CACNA1A: variants seen among roughly 807,000 people sequenced by gnomAD.
The protein encoded by CACNA1A is voltage-dependent P/Q-type calcium channel subunit alpha-1A.
A neutral mutation model predicts 262.4 loss-of-function variants in CACNA1A; 57 were observed. That is an observed-to-expected ratio of 0.22 (90% CI 0.18 to 0.27). CACNA1A has a LOEUF of 0.27. CACNA1A is among the 10% of genes least tolerant of loss of function. CACNA1A has a pLI of 1.00. For synonymous variants in CACNA1A, 1,431 were observed against 1,419.3 expected, an observed-to-expected ratio of 1.01 and a Z score of -0.18; for missense variants, 2,526 against 3,562.8, an observed-to-expected ratio of 0.71 and a Z score of 7.41.
Position 13,207,737 on chromosome 19 carries a change from C to G in CACNA1A, c.7097G>C (p.Arg2366Thr), listed in dbSNP as rs1345856237. The change falls in exon 47 of 47, where the codon AGG becomes ACG. Residue 2366 changes from arginine to threonine, a missense_variant. Arg to Thr is a moderately conservative substitution (Grantham distance 71). Around this residue, in one of 17 missense-constraint regions of CACNA1A, gnomAD observed 929 missense variants for 868.1 expected, o/e 1.07. Transcript: ENST00000360228. This position sits in a 1 kb window ranked among gnomAD's most constrained non-coding sequence, Gnocchi z 5.7. ...TGGHSSGRSP[R>T]MERRVPGPAR... is the part of the protein sequence containing the mutation. ...CGGGCCTGGGACCCGCCTCTCCATC[C>G]TGGGCGAGCGGCCGCTGCTGTGGCC... The G allele has an allele frequency of 3.6e-6, 5 of 1,372,140 alleles. No homozygotes were observed. Among genetic ancestry groups the G allele is most frequent in the Middle Eastern group, 2.7e-4 (1 of 3,752 alleles). The allele number at this position is 1,372,140 out of a possible 1,614,324, so 85.0% of individuals were successfully genotyped here. A position where few individuals can be genotyped will look rare whatever the true frequency, so the allele number is the denominator to read the frequency against.
chr19:13,314,760 A>G (rs111457032), intron 11 of CACNA1A, among the ~76,000 whole-genome samples: 246 of 152,346 alleles, frequency 1.6e-3, no homozygotes, highest in Non-Finnish European at 2.9e-3. Flanking sequence ...CATGCTTTTA[A>G]GAGGTGTTTT....
At chr19:13,296,162 G>A (rs4926260) in intron 19 of CACNA1A, among the ~76,000 whole-genome samples, 39,688 of 152,112 alleles carry the variant, frequency 0.26, 6,386 homozygotes, top group East Asian at 0.64. Context: ...CTGGGAGCTC[G>A]TTGCAAATGC....
At position 13,224,952 on chromosome 19, in the gene CACNA1A, G is replaced by A. The variant is rs115954706; in HGVS notation, c.5626-180C>T. On this transcript the variant is annotated intron_variant, in intron 37 of 46. Coordinates refer to ENST00000360228, the MANE Select transcript of CACNA1A (RefSeq NM_001127222.2). ...AGTTTCTCTTGGTGGCCCGCAGGGA[G>A]GGCACAAAAGGCTCTCTTGTACTTC... 1,666 of 553,286 alleles carry A rather than the reference G, an allele frequency of 3.0e-3. 24 individuals carry two copies. Among genetic ancestry groups the A allele is most frequent in the African/African-American group, 0.029 (1,525 of 52,700 alleles). 34.3% of individuals were successfully genotyped at this position (553,286 alleles called of 1,614,324 possible).
chr19:13,271,484 G>T (rs2057017893), intron 24 of CACNA1A: 1 of 152,090 alleles, frequency 6.6e-6, no homozygotes, highest in Admixed American at 6.5e-5. Context: ...GCCTCCCCAA[G>T]TGCTGGGATT....
chr19:13,209,521 G>A (rs2054723855), intron 44 of CACNA1A, 23 bp from the exon 45 acceptor site: 2 of 1,286,004 alleles, frequency 1.6e-6, no homozygotes, highest in Admixed American at 3.6e-5. Context: ...ACAGGCCGGT[G>A]GGCTGGGGTC....
At chr19:13,360,532 C>T (rs1462701893) in intron 5 of CACNA1A, among the ~76,000 whole-genome samples, 1 of 144,342 alleles carries the variant, frequency 6.9e-6, no homozygotes, top group Non-Finnish European at 1.5e-5. Flanking sequence ...GGCTGGAGTG[C>T]AATGGCATGA....
Position 13,228,830 on chromosome 19 carries a change from T to C in CACNA1A, c.5528+1252A>G, listed in dbSNP as rs572986696. ...GAAGAAAGGGGGTTAGTGCAGGCAA[T>C]GGGTTCACACGGGCTCCCTGGGCAC... On this transcript the variant is annotated intron_variant, in intron 36 of 46. Coordinates refer to ENST00000360228, the MANE Select transcript of CACNA1A (RefSeq NM_001127222.2). 37 of 1,300,858 alleles carry C rather than the reference T, an allele frequency of 2.8e-5. No homozygotes were observed. The South Asian group carries it at 3.1e-4, about 11-fold the overall frequency. The allele number at this position is 1,300,858 out of a possible 1,614,324, so 80.6% of individuals were successfully genotyped here.
chr19:13,290,585 T>A (rs1454499344), intron 19 of CACNA1A, among the ~76,000 whole-genome samples: 1 of 152,020 alleles, frequency 6.6e-6, no homozygotes, highest in Middle Eastern at 3.4e-3. Flanking sequence ...TTATTTTTAT[T>A]AATTTTTGTA....
chr19:13,502,529 G>C (rs183224437), intron 1 of CACNA1A, among the ~76,000 whole-genome samples: 1 of 152,196 alleles, frequency 6.6e-6, no homozygotes, highest in African/African-American at 2.4e-5. Flanking sequence ...TGAGCTCTTC[G>C]GCAATCATCA....
chr19:13,222,662 T>C (rs2055277228), intron 38 of CACNA1A, among the ~76,000 whole-genome samples: 1 of 151,864 alleles, frequency 6.6e-6, no homozygotes, highest in South Asian at 2.1e-4. Context: ...CCCAAAGTGC[T>C]GCTATTACAG....
Position 13,213,672 on chromosome 19 carries a change from CTTTTTTTTTTTTT to C in CACNA1A, c.5940+548_5940+560del, listed in dbSNP as rs3050829. The C allele has an allele frequency of 8.0e-5, 7 of 87,684 alleles. 1 individual carries two copies. Among genetic ancestry groups the C allele is most frequent in the East Asian group, 2.7e-4 (1 of 3,718 alleles). 5.4% of individuals were successfully genotyped at this position (87,684 alleles called of 1,614,324 possible). On this transcript the variant is annotated intron_variant, in intron 40 of 46. Coordinates refer to ENST00000360228, the MANE Select transcript of CACNA1A (RefSeq NM_001127222.2). ...CCACATGATGTGTCCTTGGCAAGAA[CTTTTTTTTTTTTT>C]TTTTTTTTTTTTTTTGAGATAGAGT... is the stretch of plus-strand genomic sequence containing the variant.
chr19:13,320,040 T>C (rs547380951), intron 10 of CACNA1A, among the ~76,000 whole-genome samples: 133 of 152,238 alleles, frequency 8.7e-4, no homozygotes, highest in Non-Finnish European at 1.5e-3. Flanking sequence ...ACGCCTCTCC[T>C]TTCTGCAAAG....
At chr19:13,336,695 C>T (rs1433508709) in intron 6 of CACNA1A, among the ~76,000 whole-genome samples, 1 of 149,902 alleles carries the variant, frequency 6.7e-6, no homozygotes, top group African/African-American at 2.5e-5. Context: ...TGGCACCTTC[C>T]TAAGCACATT....
At chr19:13,486,176 A>T (rs1979955929) in intron 1 of CACNA1A, among the ~76,000 whole-genome samples, 1 of 152,256 alleles carries the variant, frequency 6.6e-6, no homozygotes, top group African/African-American at 2.4e-5. Context: ...AAAGCAAGCG[A>T]ATGGTTCCCA....
intron 37 of CACNA1A, chr19:13,226,239 G>A (rs2055435285): frequency 8.1e-6 from 1 of 124,070 alleles, no homozygotes; most frequent in Non-Finnish European, 1.6e-5. Context: ...TGAGAGAAGC[G>A]ACTTGAGGAA....
intron 1 of CACNA1A, among the ~76,000 whole-genome samples, chr19:13,462,528 T>C (rs7254771): frequency 0.032 from 4,904 of 152,312 alleles, 159 homozygotes; most frequent in Admixed American, 0.081. Flanking sequence ...ACAGCGACCA[T>C]AATTACAGCT....
At chr19:13,244,078 TG>T (rs1555740552) in intron 31 of CACNA1A, 1 of 152,308 alleles carries the variant, frequency 6.6e-6, no homozygotes, top group Non-Finnish European at 1.5e-5. Flanking sequence ...GCTTGGGCCC[TG>T]GTCTCTGTCT....
At chr19:13,361,594 G>A (rs1307831818) in intron 5 of CACNA1A, among the ~76,000 whole-genome samples, 4 of 152,162 alleles carry the variant, frequency 2.6e-5, no homozygotes, top group African/African-American at 9.7e-5. Context: ...CCAATTCTCT[G>A]CTCCCTTGAC....
intron 1 of CACNA1A, among the ~76,000 whole-genome samples, chr19:13,463,131 G>A (rs889518851): frequency 1.9e-4 from 29 of 148,828 alleles, no homozygotes; most frequent in African/African-American, 7.3e-4. Flanking sequence ...AAGATAGATG[G>A]GTTTGCCTTT....
Sources: allele counts gnomAD v4.1 joint callset (sites outside exome capture counted in the v4.1 genomes callset), GRCh38; gene constraint gnomAD v4.1.1; regional missense constraint gnomAD v4.1.1; non-coding constraint Gnocchi (gnomAD v3.1); transcripts MANE v1.5; gene names NCBI Gene and HGNC (gene_info 2026-07-23, HGNC 2026-07-21).